NIPBL: variants seen among roughly 807,000 people sequenced by gnomAD.
The protein encoded by NIPBL is nipped-B-like protein.
A neutral mutation model predicts 321.8 loss-of-function variants in NIPBL; 19 were observed. The observed-to-expected ratio is 0.06, with a 90% CI of 0.04 to 0.09. The LOEUF is 0.09. NIPBL is among the 10% of genes least tolerant of loss of function. The probability of loss-of-function intolerance (pLI) is 1.00; values close to 1 mark genes in which losing one functional copy is unlikely to be tolerated. For synonymous variants in NIPBL, 1,106 were observed against 1,114.1 expected (o/e 0.99, Z 0.14); for missense variants, 2,210 against 3,327.0 (o/e 0.66, Z 8.26).
At chr5:36,901,225 C>T (rs1747184240) in intron 1 of NIPBL, among the ~76,000 whole-genome samples, 1 of 152,118 alleles carries the variant, frequency 6.6e-6, no homozygotes, top group African/African-American at 2.4e-5. Context: ...TATTAATTTG[C>T]TTAAGATAAT....
At chr5:36,952,525 G>A (rs966418594) in intron 1 of NIPBL, among the ~76,000 whole-genome samples, 2 of 152,104 alleles carry the variant, frequency 1.3e-5, no homozygotes, top group African/African-American at 4.8e-5. Context: ...ACCAAGTACT[G>A]TTAAAGGAAA....
intron 1 of NIPBL, among the ~76,000 whole-genome samples, chr5:36,918,308 T>G (rs1482420267): frequency 1.3e-5 from 2 of 152,166 alleles, no homozygotes; most frequent in Non-Finnish European, 2.9e-5. Context: ...AGTTCACTCA[T>G]GATTTGGCTC....
intron 32 of NIPBL, among the ~76,000 whole-genome samples, chr5:37,032,118 ATT>A (rs1751098056): frequency 6.6e-6 from 1 of 152,170 alleles, no homozygotes; most frequent in Admixed American, 6.5e-5. Context: ...ATCATTCTGT[ATT>A]TTAACAGTCT....
intron 1 of NIPBL, among the ~76,000 whole-genome samples, chr5:36,911,866 G>A (rs1431139354): frequency 6.6e-6 from 1 of 152,190 alleles, no homozygotes; most frequent in Non-Finnish European, 1.5e-5. Flanking sequence ...AGGAGCTAGT[G>A]TAAATCTAGA....
At position 37,064,514 on chromosome 5, in the gene NIPBL, C is replaced by T. The variant is rs927092454; in HGVS notation, c.8050-13C>T. 6.2e-7 allele frequency: 1 copy of T among 1,610,932 alleles called. No individual in the cohort carries two copies. Among genetic ancestry groups the T allele is most frequent in the African/African-American group, 1.3e-5 (1 of 74,890 alleles). On this transcript the variant is annotated splice_polypyrimidine_tract_variant and intron_variant, in intron 46 of 46. Transcript: ENST00000282516. ...TAACACTTGGTCTTTTTTCCCCCCT[C>T]CCAATGTTTTAGTCATTGAGAAGGT...
At chr5:37,060,572 G>A (rs1196127378) in intron 44 of NIPBL, among the ~76,000 whole-genome samples, 1 of 152,148 alleles carries the variant, frequency 6.6e-6, no homozygotes, top group Non-Finnish European at 1.5e-5. Context: ...AAGCAGAGTT[G>A]TTAATAACCT....
At chr5:37,052,686 T>G in intron 42 of NIPBL, 120 bp downstream of exon 42, 3 of 752,824 alleles carry the variant, frequency 4.0e-6, no homozygotes, top group East Asian at 5.4e-5. Context: ...ATTAAGTGTT[T>G]TCTTAATCTT....
At chr5:36,979,306 C>G (rs887135859) in intron 9 of NIPBL, among the ~76,000 whole-genome samples, 3 of 151,750 alleles carry the variant, frequency 2.0e-5, no homozygotes, top group African/African-American at 4.8e-5. Context: ...CTTGCAACTC[C>G]TTGTTTAAAT....
intron 1 of NIPBL, chr5:36,885,390 G>C: frequency 4.4e-6 from 2 of 453,806 alleles, no homozygotes; most frequent in South Asian, 1.7e-5. Context: ...GGGTCCAGGG[G>C]CCTGGCCAAG....
chr5:36,912,446 A>C (rs1036719064), intron 1 of NIPBL, among the ~76,000 whole-genome samples: 2 of 151,994 alleles, frequency 1.3e-5, no homozygotes, highest in Non-Finnish European at 2.9e-5. Context: ...AATCATCAGC[A>C]TATAGATTCA....
At position 36,877,025 on chromosome 5, in the gene NIPBL, T is replaced by G; in HGVS notation, c.-233T>G. ...AGGAGGAGGAAGAAGAAGCAACGAT[T>G]TGTCTTCTCGGCTGGTCTCCCCCCG... On this transcript the variant is annotated 5_prime_UTR_variant, in exon 1 of 47. The change creates a new upstream start codon in the 5' untranslated region. Coordinates refer to ENST00000282516, the MANE Select transcript of NIPBL (RefSeq NM_133433.4). 2.8e-6 allele frequency: 1 copy of G among 355,592 alleles called. No homozygotes were observed. Among genetic ancestry groups the G allele is most frequent in the East Asian group, 4.2e-5 (1 of 23,536 alleles). The allele number at this position is 355,592 out of a possible 1,614,324, so 22.0% of individuals were successfully genotyped here.
At chr5:37,024,475 T>C (rs1490341087) in intron 29 of NIPBL, 110 bp from the exon 30 acceptor site, 1 of 849,028 alleles carries the variant, frequency 1.2e-6, no homozygotes, top group Non-Finnish European at 1.8e-6. Context: ...TCAAGTGTGT[T>C]TATCATGTTA....
intron 8 of NIPBL, among the ~76,000 whole-genome samples, chr5:36,972,287 C>T (rs1269825773): frequency 2.0e-5 from 3 of 152,140 alleles, no homozygotes; most frequent in Non-Finnish European, 1.5e-5. Context: ...AGTATCCATT[C>T]TCTTTAATAA....
In NIPBL at chr5:37,063,840, G is replaced by A; in HGVS notation, c.7911G>A (p.Gly2637=). The A allele has an allele frequency of 1.2e-6, 2 of 1,613,894 alleles. No homozygotes were observed. Among genetic ancestry groups the A allele is most frequent in the Non-Finnish European group, 1.7e-6 (2 of 1,179,882 alleles). The part of the protein sequence containing the change: ...HLDPDEEEEE[G]EVSASTNARN... ...ACCCTGATGAAGAAGAAGAAGAAGG[G>A]GAGGTTTCAGCTAGCACAAATGCTC... Residue 2637 remains glycine, a synonymous_variant, in exon 46 of 47, where the codon GGG becomes GGA. Transcript: ENST00000282516.
intron 19 of NIPBL, 41 bp from the exon 20 acceptor site, chr5:37,008,582 C>A (rs747486699): frequency 3.9e-6 from 4 of 1,029,462 alleles, no homozygotes. Context: ...GGTTTGTTTT[C>A]TATTATAAGT....
At chr5:37,004,422 A>G (rs942011581) in intron 16 of NIPBL, among the ~76,000 whole-genome samples, 1 of 150,688 alleles carries the variant, frequency 6.6e-6, no homozygotes, top group Non-Finnish European at 1.5e-5. Flanking sequence ...CTCCCCTGAT[A>G]GAGCCAGGGT....
intron 6 of NIPBL, among the ~76,000 whole-genome samples, chr5:36,969,678 G>C (rs1338272756): frequency 6.6e-6 from 1 of 152,138 alleles, no homozygotes; most frequent in Non-Finnish European, 1.5e-5. Flanking sequence ...TTATGACTTT[G>C]TGTAAAGGAG....
intron 9 of NIPBL, among the ~76,000 whole-genome samples, chr5:36,977,231 A>G (rs979804406): frequency 6.6e-6 from 1 of 152,064 alleles, no homozygotes; most frequent in East Asian, 1.9e-4. Context: ...GACCAAAAGC[A>G]TGCTTTATGA....
chr5:36,903,137 C>T (rs142821820), intron 1 of NIPBL, among the ~76,000 whole-genome samples: 4 of 152,206 alleles, frequency 2.6e-5, no homozygotes, highest in East Asian at 3.9e-4. Flanking sequence ...ACTGTGCTGA[C>T]GTGGTTTATC....
Sources: gnomAD v4.1 joint callset for allele counts (sites outside exome capture counted in the v4.1 genomes callset) on GRCh38, gnomAD v4.1.1 for gene constraint, MANE v1.5 for transcripts, NCBI Gene and HGNC (gene_info 2026-07-23, HGNC 2026-07-21) for gene names.